The following SDC3 variants were observed in gnomAD, a reference collection of about 807,000 sequenced individuals.
SDC3 encodes syndecan 3, also known as syndecan-3.
SDC3 carries 13 observed loss-of-function variants against 24.4 expected under a neutral mutation model. The ratio of observed to expected loss-of-function variants is 0.53; its 90% CI spans 0.35 to 0.85. SDC3 has a LOEUF of 0.85. Among genes scored for constraint, SDC3 ranks in the 40% least tolerant of loss-of-function variants. SDC3 has a pLI of 0.01. For missense variants in SDC3, 571 were observed against 584.5 expected, an observed-to-expected ratio of 0.98 and a Z score of 0.24; for synonymous variants, 295 against 260.9, an observed-to-expected ratio of 1.13 and a Z score of -1.26.
rs975468042 is a variant in SDC3 at position 30,893,313 on chromosome 1, C to A, written c.139-14573G>T. Among the ~76,000 whole-genome samples, 4 of 127,148 alleles carry A rather than the reference C, an allele frequency of 3.1e-5. 1 individual carries two copies. Among genetic ancestry groups the A allele is most frequent in the African/African-American group, 1.2e-4 (4 of 34,184 alleles). 83.4% of individuals were successfully genotyped at this position (127,148 alleles called of 152,430 possible). On this transcript the variant is annotated intron_variant, in intron 1 of 4. Transcript: ENST00000339394. Reference sequence around the variant, plus strand: ...CCCCACCCACCAGGAGCCCCCCCCCCCCCCACCATGTCTCATGACCAAACA... The same window carrying A: ...CCCCACCCACCAGGAGCCCCCCCCCACCCCACCATGTCTCATGACCAAACA...
chr1:30,879,519 G>A (rs1244144718), intron 1 of SDC3, among the ~76,000 whole-genome samples: 1 of 152,084 alleles, frequency 6.6e-6, no homozygotes, highest in African/African-American at 2.4e-5. Flanking sequence ...ACCCACGGTG[G>A]AGGAGCTAGA....
intron 2 of SDC3, chr1:30,877,542 T>C (rs767237687): frequency 6.4e-6 from 3 of 466,382 alleles, no homozygotes; most frequent in Non-Finnish European, 1.2e-5. Flanking sequence ...CTGGGAAGAG[T>C]CAGACCCCAA....
chr1:30,879,476 T>C (rs1453804727), intron 1 of SDC3, among the ~76,000 whole-genome samples: 1 of 152,152 alleles, frequency 6.6e-6, no homozygotes, highest in Non-Finnish European at 1.5e-5. Flanking sequence ...GGCCCAACTT[T>C]TCCCCAGCTC....
At position 30,902,253 on chromosome 1, in the gene SDC3, C is replaced by G. The variant is rs549766806; in HGVS notation, c.138+6196G>C. Among the ~76,000 whole-genome samples, 7 of 152,336 alleles carry G rather than the reference C, an allele frequency of 4.6e-5. No individual in the cohort carries two copies. In the South Asian group the frequency reaches 1.5e-3, roughly 32 times the overall value. On this transcript the variant is annotated intron_variant, in intron 1 of 4. Transcript: ENST00000339394. ...GGGCCAGATCATTTGTTGGGGCCACCGCCACCCCCACTGCTGGGCCCTCAG... is the reference window on the plus strand; with the variant it reads ...GGGCCAGATCATTTGTTGGGGCCACGGCCACCCCCACTGCTGGGCCCTCAG...
intron 1 of SDC3, among the ~76,000 whole-genome samples, chr1:30,890,122 G>A (rs1374737631): frequency 6.6e-6 from 1 of 152,138 alleles, no homozygotes; most frequent in Admixed American, 6.5e-5. Flanking sequence ...ACCAGCCTGG[G>A]CAACATGGTA....
Position 30,871,342 on chromosome 1 carries a change from A to G in SDC3, c.*1869T>C, listed in dbSNP as rs1002095652. 1 of 152,122 alleles carries G rather than the reference A, an allele frequency of 6.6e-6. No homozygotes were observed. The highest frequency in any genetic ancestry group is 2.4e-5 in the African/African-American group (1 of 41,390). The allele number at this position is 152,122 out of a possible 1,614,324, so 9.4% of individuals were successfully genotyped here. A position where few individuals can be genotyped will look rare whatever the true frequency, so the allele number is the denominator to read the frequency against. The stretch of plus-strand genomic sequence containing the variant: ...TGAGTGCCAGCCAATCGCAACTCAC[A>G]CCACATCCCTTTGGCTCCAAGAGGC... On this transcript the variant is annotated 3_prime_UTR_variant, in exon 5 of 5. Coordinates refer to ENST00000339394, the MANE Select transcript of SDC3 (RefSeq NM_014654.4).
chr1:30,881,479 C>T (rs938472983), intron 1 of SDC3: 3 of 152,592 alleles, frequency 2.0e-5, no homozygotes, highest in Non-Finnish European at 2.9e-5. Flanking sequence ...CCTCACAACT[C>T]GGATACAACC....
rs990023823 is a variant in SDC3, at chr1:30,870,185, G to A, written c.*3026C>T. On this transcript the variant is annotated 3_prime_UTR_variant, in exon 5 of 5. Transcript: ENST00000339394. ...CAGGCGGCTTTGCCAACCCCAGGGG[G>A]GTTTGGCCCACACACCCTAAGCCCT... 3.9e-5 allele frequency: 13 copies of A among 337,380 alleles called. No individual in the cohort carries two copies. The South Asian group carries it at 6.2e-4, about 16-fold the overall frequency. The allele number at this position is 337,380 out of a possible 1,614,324, so 20.9% of individuals were successfully genotyped here.
chr1:30,883,411 C>A (rs572743605), intron 1 of SDC3, among the ~76,000 whole-genome samples: 13 of 152,282 alleles, frequency 8.5e-5, no homozygotes, highest in African/African-American at 2.9e-4. Flanking sequence ...TGACCAGAGG[C>A]GACATGAGCA....
In SDC3 at chr1:30,908,618, G is replaced by GGGC; in HGVS notation, c.-35_-33dup. ...GGCGCGGGCGCGGGCGGCGGGCGGC[G>GGGC]GGCGGGCGCCTTTGTTCCCGAGGCG... On this transcript the variant is annotated 5_prime_UTR_variant, in exon 1 of 5. Transcript: ENST00000339394. The GGGC allele has an allele frequency of 1.1e-5, 10 of 904,774 alleles. No homozygotes were observed. In the African/African-American group the frequency reaches 1.5e-4, roughly 13 times the overall value. 56.0% of individuals were successfully genotyped at this position (904,774 alleles called of 1,614,324 possible). A position where few individuals can be genotyped will look rare whatever the true frequency, so the allele number is the denominator to read the frequency against.
chr1:30,873,933 G>A (rs905096502), intron 4 of SDC3, among the ~76,000 whole-genome samples: 2 of 152,004 alleles, frequency 1.3e-5, no homozygotes, highest in Non-Finnish European at 2.9e-5. Context: ...GTCAAAAACT[G>A]GGGAAGGTCA....
chr1:30,904,063 A>G (rs1638466941), intron 1 of SDC3, among the ~76,000 whole-genome samples: 1 of 152,054 alleles, frequency 6.6e-6, no homozygotes, highest in Non-Finnish European at 1.5e-5. Flanking sequence ...CATCTCTACT[A>G]AAAATACAAA....
chr1:30,880,306 GCAGAGA>G (rs1639723904), intron 1 of SDC3, among the ~76,000 whole-genome samples: 1 of 144,864 alleles, frequency 6.9e-6, no homozygotes, highest in Non-Finnish European at 1.5e-5. Flanking sequence ...GAAGGGGGAG[GCAGAGA>G]CAGAGACGGT....
chr1:30,887,248 C>T (rs963443491), intron 1 of SDC3, among the ~76,000 whole-genome samples: 5 of 151,934 alleles, frequency 3.3e-5, no homozygotes, highest in Admixed American at 6.5e-5. Flanking sequence ...ATGACGGTCA[C>T]TGCCAGCAAA....
chr1:30,896,278 G>A (rs1639997373), intron 1 of SDC3, among the ~76,000 whole-genome samples: 1 of 152,252 alleles, frequency 6.6e-6, no homozygotes, highest in Admixed American at 6.5e-5. Flanking sequence ...GGGAGATGAT[G>A]TAATGGGGAA....
intron 1 of SDC3, among the ~76,000 whole-genome samples, chr1:30,879,676 C>T (rs1010251457): frequency 5.9e-5 from 9 of 152,202 alleles, no homozygotes; most frequent in African/African-American, 1.9e-4. Context: ...CTGCCCAGGG[C>T]TGTCTTCACT....
intron 1 of SDC3, among the ~76,000 whole-genome samples, chr1:30,903,820 C>T (rs1638462262): frequency 6.6e-6 from 1 of 152,158 alleles, no homozygotes; most frequent in African/African-American, 2.4e-5. Context: ...GACTGCAGCC[C>T]AGTCCCATTA....
Position 30,873,268 on chromosome 1 carries a change from G to A in SDC3, c.1272C>T (p.Pro424=), listed in dbSNP as rs775066081. 6.0e-5 allele frequency: 97 copies of A among 1,613,276 alleles called. No individual in the cohort carries two copies. Among genetic ancestry groups the A allele is most frequent in the Non-Finnish European group, 7.2e-5 (85 of 1,179,316 alleles). The change falls in exon 5 of 5, where the codon CCC becomes CCT. Residue 424 remains proline (P), a synonymous_variant. Transcript: ENST00000339394. ...TCTGGTATGTGACGCTCGCCTGCTT[G>A]GGTTCCTCCAGCGTGTAGCTGCCCT... ...KDEGSYTLEE[P]KQASVTYQKP... is the part of the protein sequence containing the mutation.
chr1:30,884,280 C>CA (rs948965610), intron 1 of SDC3, among the ~76,000 whole-genome samples: 95 of 151,972 alleles, frequency 6.3e-4, no homozygotes, highest in Non-Finnish European at 1.1e-3. Context: ...CACAGACCCC[C>CA]CCCAAGAAAA....
Sources: allele counts gnomAD v4.1 joint callset (sites outside exome capture counted in the v4.1 genomes callset), GRCh38; gene constraint gnomAD v4.1.1; transcripts MANE v1.5; gene names NCBI Gene and HGNC (gene_info 2026-07-23, HGNC 2026-07-21).